The following NBEA variants were observed in gnomAD, a reference collection of about 807,000 sequenced individuals.
NBEA encodes neurobeachin, also known as lysosomal-trafficking regulator 2.
Under a neutral mutation model 343.4 loss-of-function variants are expected in NBEA, and 44 were observed. That is an observed-to-expected ratio of 0.13 (90% CI 0.10 to 0.16). NBEA has a LOEUF of 0.16. Ranked by LOEUF, NBEA falls within the 10% of genes least tolerant of loss-of-function variation. NBEA has a pLI of 1.00. For missense variants in NBEA, 2,555 were observed against 3,631.3 expected (o/e 0.70, Z 7.62); for synonymous variants, 1,175 against 1,238.7 (o/e 0.95, Z 1.08).
rs181532316 is a variant in NBEA, at chr13:35,307,054, T to C, written c.5839-2474T>C. 2.1e-3 allele frequency among the ~76,000 whole-genome samples: 312 copies of C among 152,186 alleles called. 1 individual carries two copies. The highest frequency in any genetic ancestry group is 6.9e-3 in the African/African-American group (288 of 41,554). On this transcript the variant is annotated intron_variant, in intron 35 of 58. Coordinates refer to ENST00000379939, the MANE Select transcript of NBEA (RefSeq NM_001385012.1). ...TTTGTGATTTTCCCCAAATGTATTC[T>C]TCAGTATTTTCATAATAATATTACC... is the stretch of plus-strand genomic sequence containing the variant.
At chr13:35,455,569 T>G (rs2046539260) in intron 40 of NBEA, among the ~76,000 whole-genome samples, 3 of 152,130 alleles carry the variant, frequency 2.0e-5, no homozygotes, top group African/African-American at 7.2e-5. Context: ...TTAATAGCAG[T>G]TACTCTTCAG....
chr13:35,571,604 C>T (rs961790503), intron 45 of NBEA, among the ~76,000 whole-genome samples: 3 of 152,128 alleles, frequency 2.0e-5, no homozygotes, highest in Non-Finnish European at 4.4e-5. Flanking sequence ...CAGTGAGTGG[C>T]AGTGACAAAG....
At chr13:35,125,469 G>A (rs1238450346) in intron 17 of NBEA, among the ~76,000 whole-genome samples, 1 of 152,120 alleles carries the variant, frequency 6.6e-6, no homozygotes, top group Admixed American at 6.5e-5. Context: ...AATCAGATTG[G>A]TTTCAGAAAA....
chr13:35,124,791 CACAT>C (rs754740984), intron 17 of NBEA, among the ~76,000 whole-genome samples: 44 of 148,642 alleles, frequency 3.0e-4, no homozygotes, highest in Non-Finnish European at 6.2e-4. Flanking sequence ...GATATATACA[CACAT>C]ATATGGATAT....
chr13:35,342,480 T>C (rs140560506), intron 36 of NBEA, among the ~76,000 whole-genome samples: 1 of 152,144 alleles, frequency 6.6e-6, no homozygotes, highest in Non-Finnish European at 1.5e-5. Context: ...TGTATGCATG[T>C]CAGGACAGCA....
In NBEA at chr13:35,472,497, A is replaced by G. The variant is rs975096759; in HGVS notation, c.6546A>G (p.Val2182=). 5 of 1,614,022 alleles carry G rather than the reference A, an allele frequency of 3.1e-6. No individual in the cohort carries two copies. The highest frequency in any genetic ancestry group is 4.2e-6 in the Non-Finnish European group (5 of 1,179,892). Residue 2182 remains valine (V), a synonymous_variant, in exon 41 of 59, where the codon GTA becomes GTG. Coordinates refer to ENST00000379939, the MANE Select transcript of NBEA (RefSeq NM_001385012.1). The stretch of plus-strand genomic sequence containing the variant: ...CCACGACAGAAATCTACTTCGAGGT[A>G]GATGAGGATGATTCTGCCTTCAAGA... The part of the protein sequence containing the change: ...SITTTEIYFE[V]DEDDSAFKKI...
chr13:35,671,171 T>C lies in NBEA; in HGVS notation c.*180T>C, dbSNP rs2085600254. 9.0e-6 allele frequency: 5 copies of C among 554,936 alleles called. No individual in the cohort carries two copies. In the Admixed American group the frequency reaches 1.2e-4, roughly 13 times the overall value. The allele number at this position is 554,936 out of a possible 1,614,324, so 34.4% of individuals were successfully genotyped here. On this transcript the variant is annotated 3_prime_UTR_variant, in exon 59 of 59. Transcript: ENST00000379939. ...TTTACTTTGTGTGTTTTTTCACGAC[T>C]GAACACCAGCTGCTATCAAGCAAGC...
chr13:34,998,362 T>G (rs2061008641), intron 1 of NBEA, among the ~76,000 whole-genome samples: 1 of 152,194 alleles, frequency 6.6e-6, no homozygotes, highest in Non-Finnish European at 1.5e-5. Flanking sequence ...GCATTGTCAT[T>G]GATAACATCT....
intron 45 of NBEA, among the ~76,000 whole-genome samples, chr13:35,578,607 C>A (rs922527031): frequency 6.6e-6 from 1 of 152,122 alleles, no homozygotes; most frequent in Non-Finnish European, 1.5e-5. Context: ...AAATTAGGTT[C>A]GTATTGAATG....
intron 34 of NBEA, among the ~76,000 whole-genome samples, chr13:35,245,102 T>C (rs1318133923): frequency 6.6e-6 from 1 of 152,068 alleles, no homozygotes; most frequent in Non-Finnish European, 1.5e-5. Context: ...TGGTCTGATA[T>C]AAGAATACCT....
intron 38 of NBEA, among the ~76,000 whole-genome samples, chr13:35,410,199 A>G (rs1300272365): frequency 6.6e-6 from 1 of 152,166 alleles, no homozygotes; most frequent in Non-Finnish European, 1.5e-5. Context: ...ATAAAATCCT[A>G]TCTTTCCTTC....
At position 35,550,598 on chromosome 13, in the gene NBEA, A is replaced by G; in HGVS notation, c.6703+4A>G. On this transcript the variant is annotated splice_donor_region_variant and intron_variant, in intron 42 of 58. Coordinates refer to ENST00000379939, the MANE Select transcript of NBEA (RefSeq NM_001385012.1). Reference sequence around the variant, plus strand: ...GAAGTATTTATGGCAAACCGAAGTAAGTCCCCTTAATATTTTGAAAGAAAA... The same window carrying G: ...GAAGTATTTATGGCAAACCGAAGTAGGTCCCCTTAATATTTTGAAAGAAAA... 6.4e-7 allele frequency: 1 copy of G among 1,556,798 alleles called. No individual in the cohort carries two copies.
At chr13:35,513,302 ATTTTTTTTTTTTTT>A (rs754363500) in intron 41 of NBEA, among the ~76,000 whole-genome samples, 2 of 72,260 alleles carry the variant, frequency 2.8e-5, no homozygotes, top group Non-Finnish European at 5.0e-5. Flanking sequence ...ACACCTGGCA[ATTTTTTTTTTTTTT>A]TTTTTTTTTT....
intron 46 of NBEA, among the ~76,000 whole-genome samples, chr13:35,585,494 T>A (rs2081256739): frequency 6.6e-6 from 1 of 152,182 alleles, no homozygotes; most frequent in Admixed American, 6.5e-5. Flanking sequence ...ACTGTTCTGC[T>A]CAGTCTCCTG....
chr13:35,513,847 T>A (rs1450782575), intron 41 of NBEA, among the ~76,000 whole-genome samples: 1 of 152,116 alleles, frequency 6.6e-6, no homozygotes, highest in Non-Finnish European at 1.5e-5. Context: ...TAAAAAAACC[T>A]AAAATTCCCA....
intron 34 of NBEA, among the ~76,000 whole-genome samples, chr13:35,248,258 A>T (rs1176435633): frequency 6.6e-6 from 1 of 152,250 alleles, no homozygotes; most frequent in Non-Finnish European, 1.5e-5. Flanking sequence ...ATTATATACC[A>T]TAACCAAGTA....
chr13:35,195,320 A>G (rs1163760526), intron 30 of NBEA, among the ~76,000 whole-genome samples: 2 of 152,086 alleles, frequency 1.3e-5, no homozygotes, highest in African/African-American at 4.8e-5. Context: ...TTGAAATGCC[A>G]GATGATTTAA....
At chr13:35,352,978 G>T (rs1335883195) in intron 38 of NBEA, among the ~76,000 whole-genome samples, 1 of 152,064 alleles carries the variant, frequency 6.6e-6, no homozygotes, top group Non-Finnish European at 1.5e-5. Context: ...AAGTGAAACA[G>T]GTCACTATAT....
intron 34 of NBEA, among the ~76,000 whole-genome samples, chr13:35,275,921 A>C (rs867677961): frequency 6.6e-6 from 1 of 152,116 alleles, no homozygotes; most frequent in South Asian, 2.1e-4. Context: ...TGATGGGTGC[A>C]GCAAACCAAC....
Sources: gnomAD v4.1 joint callset for allele counts (sites outside exome capture counted in the v4.1 genomes callset) on GRCh38, gnomAD v4.1.1 for gene constraint, MANE v1.5 for transcripts, NCBI Gene and HGNC (gene_info 2026-07-23, HGNC 2026-07-21) for gene names.